The following BRINP2 variants were observed in gnomAD, a reference collection of about 807,000 sequenced individuals.
The protein encoded by BRINP2 is BMP/retinoic acid inducible neural specific 2.
BRINP2 carries 21 observed loss-of-function variants against 69.2 expected under a neutral mutation model. The ratio of observed to expected loss-of-function variants is 0.30; its 90% CI spans 0.22 to 0.44. The LOEUF is 0.44. Ranked by LOEUF, BRINP2 falls within the 20% of genes least tolerant of loss-of-function variation. The pLI, the probability that BRINP2 is intolerant of heterozygous loss-of-function variation, is 1.00. For missense variants in BRINP2, 877 were observed against 986.0 expected (o/e 0.89, Z 1.48); for synonymous variants, 380 against 394.1 (o/e 0.96, Z 0.42).
chr1:177,261,945 A>C (rs2102350984), intron 4 of BRINP2, among the ~76,000 whole-genome samples: 1 of 152,358 alleles, frequency 6.6e-6, no homozygotes, highest in African/African-American at 2.4e-5. Context: ...GCAGTCACTA[A>C]GGTGAAGATT....
At chr1:177,229,198 G>C (rs1187269195) in intron 1 of BRINP2, among the ~76,000 whole-genome samples, 1 of 152,162 alleles carries the variant, frequency 6.6e-6, no homozygotes, top group Non-Finnish European at 1.5e-5. Context: ...AGAGGTCTTA[G>C]AAATTAACTC....
intron 1 of BRINP2, among the ~76,000 whole-genome samples, chr1:177,172,686 T>C (rs1316768994): frequency 2.6e-5 from 4 of 152,210 alleles, no homozygotes; most frequent in Admixed American, 2.6e-4. Flanking sequence ...TGTTAACCAA[T>C]GTTCAAGCTA....
chr1:177,255,621 A>T (rs115588861), intron 2 of BRINP2, among the ~76,000 whole-genome samples: 1 of 152,210 alleles, frequency 6.6e-6, no homozygotes, highest in African/African-American at 2.4e-5. Context: ...ACTACTCAAC[A>T]CTGTAAACCA....
chr1:177,245,771 T>A (rs1397681335), intron 2 of BRINP2, among the ~76,000 whole-genome samples: 3 of 152,132 alleles, frequency 2.0e-5, no homozygotes, highest in Non-Finnish European at 4.4e-5. Context: ...TCATGTTGAT[T>A]CTATAAACAC....
chr1:177,256,611 G>A, intron 3 of BRINP2: 1 of 985,438 alleles, frequency 1.0e-6, no homozygotes, highest in Non-Finnish European at 1.2e-6. Context: ...AGCAATGTGG[G>A]CTAGGACCCA....
intron 1 of BRINP2, among the ~76,000 whole-genome samples, chr1:177,225,855 A>G (rs977649280): frequency 1.8e-4 from 27 of 152,378 alleles, no homozygotes; most frequent in African/African-American, 6.0e-4. Context: ...AGATACTGAG[A>G]AAAATCAGTG....
chr1:177,211,176 A>T (rs879656404), intron 1 of BRINP2, among the ~76,000 whole-genome samples: 5 of 152,102 alleles, frequency 3.3e-5, no homozygotes, highest in Non-Finnish European at 5.9e-5. Flanking sequence ...ATATATTTTA[A>T]AATTGTAGAT....
At chr1:177,271,218 T>G (rs1477812038) in intron 4 of BRINP2, among the ~76,000 whole-genome samples, 2 of 152,248 alleles carry the variant, frequency 1.3e-5, no homozygotes, top group African/African-American at 4.8e-5. Flanking sequence ...GGTGACTGTA[T>G]GACCTGGAAT....
At chr1:177,181,403 C>A (rs1039990133) in intron 1 of BRINP2, among the ~76,000 whole-genome samples, 1 of 152,204 alleles carries the variant, frequency 6.6e-6, no homozygotes, top group Admixed American at 6.5e-5. Context: ...CCAGCGGCAG[C>A]GGGTAGCTGG....
intron 1 of BRINP2, among the ~76,000 whole-genome samples, chr1:177,183,355 T>C (rs938286094): frequency 4.6e-5 from 7 of 152,182 alleles, no homozygotes; most frequent in African/African-American, 1.7e-4. Context: ...AATTGGCTAA[T>C]TTTAAAACAG....
intron 1 of BRINP2, among the ~76,000 whole-genome samples, chr1:177,201,497 T>G (rs1043770836): frequency 1.2e-4 from 18 of 152,238 alleles, no homozygotes; most frequent in African/African-American, 4.3e-4. Flanking sequence ...TCAGCCTTCA[T>G]AGTAACAAAC....
chr1:177,277,224 A>G (rs1380413623), intron 6 of BRINP2, among the ~76,000 whole-genome samples: 1 of 150,500 alleles, frequency 6.6e-6, no homozygotes, highest in African/African-American at 2.5e-5. Flanking sequence ...CATATGTAAT[A>G]CTATTTATAT....
Position 177,280,761 on chromosome 1 carries a change from T to C in BRINP2, c.1585T>C (p.Ser529Pro), listed in dbSNP as rs1401926275. 2 of 1,614,060 alleles carry C rather than the reference T, an allele frequency of 1.2e-6. No individual in the cohort carries two copies. The highest frequency in any genetic ancestry group is 1.3e-5 in the African/African-American group (1 of 74,924). Residue 529 changes from serine to proline, a missense_variant, in exon 8 of 8, where the codon TCC becomes CCC. Physicochemically the swap from Ser to Pro is moderately conservative, Grantham distance 74. Around this residue, in one of 3 missense-constraint regions of BRINP2, gnomAD observed 86 missense variants for 142.1 expected, o/e 0.61. Transcript: ENST00000361539. ...GCAGGATAGCCGCATTGAGGTACAC[T>C]CCATCTTCATCAGCAATGACATGCG... ...QKQDSRIEVH[S>P]IFISNDMRLG... is the part of the protein sequence containing the mutation.
intron 1 of BRINP2, among the ~76,000 whole-genome samples, chr1:177,197,694 G>A (rs911825453): frequency 1.3e-5 from 2 of 152,084 alleles, no homozygotes; most frequent in African/African-American, 4.8e-5. Context: ...CACCCAAGCC[G>A]ACCAAGATGC....
chr1:177,233,280 A>G (rs1403231787), intron 2 of BRINP2, among the ~76,000 whole-genome samples: 1 of 152,178 alleles, frequency 6.6e-6, no homozygotes, highest in Non-Finnish European at 1.5e-5. Flanking sequence ...CTGGGTTCTA[A>G]TCCTGGAGCT....
chr1:177,238,892 AATT>A (rs992525588), intron 2 of BRINP2, among the ~76,000 whole-genome samples: 8 of 152,208 alleles, frequency 5.3e-5, no homozygotes, highest in African/African-American at 1.9e-4. Flanking sequence ...CATTAATTAA[AATT>A]ATCCTAGTAA....
chr1:177,227,201 G>T (rs908829926), intron 1 of BRINP2, among the ~76,000 whole-genome samples: 1 of 152,140 alleles, frequency 6.6e-6, no homozygotes, highest in Non-Finnish European at 1.5e-5. Flanking sequence ...GGGGATCTTG[G>T]TCATTTGGGA....
At chr1:177,203,628 G>A (rs529284423) in intron 1 of BRINP2, among the ~76,000 whole-genome samples, 2 of 152,190 alleles carry the variant, frequency 1.3e-5, no homozygotes, top group East Asian at 3.9e-4. Context: ...TGAATGCACT[G>A]GTATGAAGTG....
At chr1:177,276,131 C>A in intron 5 of BRINP2, 67 bp from the exon 6 acceptor site, 2 of 1,447,776 alleles carry the variant, frequency 1.4e-6, no homozygotes, top group Non-Finnish European at 1.9e-6. Flanking sequence ...TTCCTGCAGG[C>A]TTGGGCATGG....
Sources: allele counts gnomAD v4.1 joint callset (sites outside exome capture counted in the v4.1 genomes callset), GRCh38; gene constraint gnomAD v4.1.1; regional missense constraint gnomAD v4.1.1; transcripts MANE v1.5; gene names NCBI Gene and HGNC (gene_info 2026-07-23, HGNC 2026-07-21).